The following BMPR2 variants were observed in gnomAD, a reference collection of about 807,000 sequenced individuals.
BMPR2 encodes bone morphogenetic protein receptor type 2.
A neutral mutation model predicts 100.8 loss-of-function variants in BMPR2; 29 were observed. That is an observed-to-expected ratio of 0.29 (90% CI 0.21 to 0.39). The LOEUF (loss-of-function observed/expected upper bound fraction) is 0.39, where lower values mean the gene tolerates loss of function less well. Among genes scored for constraint, BMPR2 ranks in the 10% least tolerant of loss-of-function variants. The pLI is 1.00. For synonymous variants in BMPR2, 382 were observed against 442.3 expected (o/e 0.86, Z 1.71); for missense variants, 1,011 against 1,274.5 (o/e 0.79, Z 3.15).
intron 1 of BMPR2, among the ~76,000 whole-genome samples, chr2:202,436,414 C>G (rs575062578): frequency 1.3e-5 from 2 of 149,996 alleles, no homozygotes; most frequent in African/African-American, 2.5e-5. Context: ...CTACCGCACT[C>G]CAGCCTGATG....
rs138065331 is a variant in BMPR2 at position 202,557,464 on chromosome 2, AACACACACACACACACACAC to A, written c.2866+965_2866+984del. Reference sequence around the variant, plus strand: ...GGTGACAGAATGAAACTCTGTCTCAAACACACACACACACACACACACACACACACACACACACACACACA... The same window carrying A: ...GGTGACAGAATGAAACTCTGTCTCAAACACACACACACACACACACACACA... On this transcript the variant is annotated intron_variant, in intron 12 of 12. Transcript: ENST00000374580. Among the ~76,000 whole-genome samples, 33 of 125,446 alleles carry A rather than the reference AACACACACACACACACACAC, an allele frequency of 2.6e-4. No homozygotes were observed. The South Asian group carries it at 3.4e-3, about 13-fold the overall frequency. 82.3% of individuals were successfully genotyped at this position (125,446 alleles called of 152,430 possible).
At chr2:202,490,900 C>T (rs1472757255) in intron 3 of BMPR2, among the ~76,000 whole-genome samples, 1 of 152,018 alleles carries the variant, frequency 6.6e-6, no homozygotes, top group Admixed American at 6.6e-5. Context: ...AGGATCTGAG[C>T]AATGTTTTTT....
chr2:202,499,063 A>G (rs1450653268), intron 3 of BMPR2, among the ~76,000 whole-genome samples: 3 of 152,012 alleles, frequency 2.0e-5, no homozygotes, highest in Non-Finnish European at 4.4e-5. Flanking sequence ...AAGGACCACA[A>G]AAACCCCCGG....
intron 1 of BMPR2, among the ~76,000 whole-genome samples, chr2:202,456,509 CTTTCTTTCTTTTT>C (rs1692110530): frequency 7.1e-6 from 1 of 141,788 alleles, no homozygotes; most frequent in African/African-American, 2.6e-5. Context: ...ACTTTTCTTT[CTTTCTTTCTTTTT>C]TTTTTTTTTC....
intron 1 of BMPR2, among the ~76,000 whole-genome samples, chr2:202,458,153 A>T (rs1559044667): frequency 6.6e-6 from 1 of 151,136 alleles, no homozygotes; most frequent in Non-Finnish European, 1.5e-5. Context: ...TATAATATTT[A>T]AAAAATTTTT....
At chr2:202,515,811 C>A (rs1201565452) in intron 5 of BMPR2, among the ~76,000 whole-genome samples, 1 of 152,082 alleles carries the variant, frequency 6.6e-6, no homozygotes, top group African/African-American at 2.4e-5. Flanking sequence ...ATTGCTTGAA[C>A]CCAGAAGGTG....
At chr2:202,424,667 G>C (rs1157467165) in intron 1 of BMPR2, among the ~76,000 whole-genome samples, 3 of 152,100 alleles carry the variant, frequency 2.0e-5, no homozygotes, top group Admixed American at 6.6e-5. Flanking sequence ...CTGCACTCCA[G>C]CCTGGGCGAC....
Position 202,445,919 on chromosome 2 carries a change from C to T in BMPR2, c.77-18890C>T, listed in dbSNP as rs1039850488. Among the ~76,000 whole-genome samples, 138 of 149,352 alleles carry T rather than the reference C, an allele frequency of 9.2e-4. 8 individuals carry two copies. The highest frequency in any genetic ancestry group is 3.3e-3 in the African/African-American group (128 of 39,122). On this transcript the variant is annotated intron_variant, in intron 1 of 12. Transcript: ENST00000374580. ...CCTCCCGAGTAGCTGAGACTACAGG[C>T]GCCCGCCAACACACCTGGCTAATTT...
intron 1 of BMPR2, among the ~76,000 whole-genome samples, chr2:202,439,291 T>TGA (rs942039616): frequency 6.7e-5 from 10 of 149,880 alleles, no homozygotes; most frequent in Non-Finnish European, 1.0e-4. Flanking sequence ...GAAATACAAT[T>TGA]GATTTTTATA....
chr2:202,518,919 T>G lies in BMPR2; in HGVS notation c.719T>G (p.Phe240Cys). 6.2e-7 allele frequency: 1 copy of G among 1,614,198 alleles called. No individual in the cohort carries two copies. The highest frequency in any genetic ancestry group is 1.7e-5 in the Admixed American group (1 of 60,020). Reference protein sequence around the residue: ...KVFSFANRQNFINEKNIYRVP... With the variant: ...KVFSFANRQNCINEKNIYRVP... ...TTTTCCTTTGCAAACCGTCAGAATT[T>G]TATCAACGAAAAGAACATTTACAGA... Residue 240 changes from phenylalanine to cysteine, a missense_variant, in exon 6 of 13, where the codon TTT (phenylalanine) becomes TGT (cysteine). Transcript: ENST00000374580.
chr2:202,466,846 C>A (rs2105961586), intron 2 of BMPR2, among the ~76,000 whole-genome samples: 1 of 151,968 alleles, frequency 6.6e-6, no homozygotes, highest in East Asian at 1.9e-4. Context: ...GATCCTCCTG[C>A]TTTGGCTTCC....
At chr2:202,475,479 C>A (rs1692527711) in intron 3 of BMPR2, among the ~76,000 whole-genome samples, 1 of 152,052 alleles carries the variant, frequency 6.6e-6, no homozygotes, top group Admixed American at 6.6e-5. Flanking sequence ...AAGGTTGCAT[C>A]CTTTAGGAAA....
At chr2:202,511,684 T>TAA (rs904325801) in intron 3 of BMPR2, among the ~76,000 whole-genome samples, 33 of 152,218 alleles carry the variant, frequency 2.2e-4, no homozygotes, top group African/African-American at 7.7e-4. Context: ...CTCTGTATGT[T>TAA]AAAAGGAGGC....
intron 3 of BMPR2, among the ~76,000 whole-genome samples, chr2:202,477,466 T>G (rs1362299839): frequency 6.6e-6 from 1 of 152,150 alleles, no homozygotes; most frequent in African/African-American, 2.4e-5. Context: ...GAACACATAC[T>G]ATTTCCTGCA....
chr2:202,544,978 T>A (rs1466861073), intron 10 of BMPR2, among the ~76,000 whole-genome samples: 2 of 151,578 alleles, frequency 1.3e-5, no homozygotes, highest in Admixed American at 6.6e-5. Context: ...CCCAGGCTGG[T>A]CTCAAACTCC....
At chr2:202,544,459 A>G (rs1441952891) in intron 10 of BMPR2, among the ~76,000 whole-genome samples, 1 of 152,054 alleles carries the variant, frequency 6.6e-6, no homozygotes, top group Non-Finnish European at 1.5e-5. Flanking sequence ...TGAAACTACT[A>G]CTCCATCATT....
intron 10 of BMPR2, among the ~76,000 whole-genome samples, chr2:202,549,921 G>A (rs1441446655): frequency 6.6e-6 from 1 of 151,890 alleles, no homozygotes; most frequent in African/African-American, 2.4e-5. Context: ...GGGTGGTGGA[G>A]GGAGTACAGA....
At chr2:202,419,393 G>A (rs2105922585) in intron 1 of BMPR2, among the ~76,000 whole-genome samples, 1 of 152,082 alleles carries the variant, frequency 6.6e-6, no homozygotes, top group South Asian at 2.1e-4. Flanking sequence ...GTCTTGCTCT[G>A]TCACTCAGGC....
intron 1 of BMPR2, among the ~76,000 whole-genome samples, chr2:202,457,658 C>CT (rs1692147353): frequency 1.3e-5 from 2 of 150,932 alleles, no homozygotes; most frequent in Non-Finnish European, 2.9e-5. Flanking sequence ...ATACTTTCAT[C>CT]TTTTTCCCCC....
Sources: gnomAD v4.1 joint callset for allele counts (sites outside exome capture counted in the v4.1 genomes callset) on GRCh38, gnomAD v4.1.1 for gene constraint, MANE v1.5 for transcripts, NCBI Gene and HGNC (gene_info 2026-07-23, HGNC 2026-07-21) for gene names.